HAVCR2: variants seen among roughly 807,000 people sequenced by gnomAD.
HAVCR2 encodes hepatitis A virus cellular receptor 2, also known as T cell immunoglobulin mucin 3.
HAVCR2 carries 13 observed loss-of-function variants against 24.7 expected under a neutral mutation model. The ratio of observed to expected loss-of-function variants is 0.53; its 90% confidence interval spans 0.34 to 0.84. HAVCR2 has a LOEUF of 0.84. HAVCR2 is among the 40% of genes least tolerant of loss of function. The pLI is 0.01. For missense variants in HAVCR2, 343 were observed against 371.2 expected, an observed-to-expected ratio of 0.92 and a Z score of 0.62; for synonymous variants, 154 against 143.4, an observed-to-expected ratio of 1.07 and a Z score of -0.53.
chr5:157,092,918 A>AAAAAAAAAAAAAAG (rs1581756437), intron 5 of HAVCR2, among the ~76,000 whole-genome samples: 1 of 119,988 alleles, frequency 8.3e-6, no homozygotes, highest in Admixed American at 9.7e-5. Flanking sequence ...AAAAAAAAAA[A>AAAAAAAAAAAAAAG]CTAGCCAGGT....
At chr5:157,098,359 A>T (rs1757123332) in intron 4 of HAVCR2, among the ~76,000 whole-genome samples, 1 of 151,866 alleles carries the variant, frequency 6.6e-6, no homozygotes, top group South Asian at 2.1e-4. Flanking sequence ...GTGAGCCAGG[A>T]TCACACCCTT....
At position 157,095,302 on chromosome 5, in the gene HAVCR2, T is replaced by C; in HGVS notation, c.676+4A>G. Reference sequence around the variant, plus strand: ...CAGAGGGAGAGAGAAACAAAAACACTTACATTTGAAAATTAAAGCGCCGAA... The same window carrying C: ...CAGAGGGAGAGAGAAACAAAAACACCTACATTTGAAAATTAAAGCGCCGAA... On this transcript the variant is annotated splice_donor_region_variant and intron_variant, in intron 5 of 6. Coordinates refer to ENST00000307851, the MANE Select transcript of HAVCR2 (RefSeq NM_032782.5). 6.2e-7 allele frequency: 1 copy of C among 1,613,152 alleles called. No homozygotes were observed.
chr5:157,103,676 G>A (rs949773439), intron 3 of HAVCR2, among the ~76,000 whole-genome samples: 1 of 152,154 alleles, frequency 6.6e-6, no homozygotes, highest in Non-Finnish European at 1.5e-5. Flanking sequence ...GTACTATGCT[G>A]AGCATTTTAC....
At chr5:157,102,766 C>G (rs190972705) in intron 3 of HAVCR2, among the ~76,000 whole-genome samples, 2 of 151,950 alleles carry the variant, frequency 1.3e-5, no homozygotes, top group East Asian at 3.9e-4. Context: ...GAAACCCCGT[C>G]TCTAATAAAA....
At chr5:157,087,635 G>A (rs765212027) in intron 6 of HAVCR2, among the ~76,000 whole-genome samples, 6 of 152,100 alleles carry the variant, frequency 3.9e-5, no homozygotes, top group Non-Finnish European at 7.4e-5. Context: ...GCCGGGCGCC[G>A]TGGCTCACGC....
intron 6 of HAVCR2, among the ~76,000 whole-genome samples, chr5:157,087,837 A>T (rs966112353): frequency 1.3e-5 from 2 of 148,824 alleles, no homozygotes; most frequent in Admixed American, 1.4e-4. Context: ...CGAGAAGCAG[A>T]GGTTATAGTG....
chr5:157,099,697 C>CT (rs1249844602), intron 3 of HAVCR2, among the ~76,000 whole-genome samples: 1 of 150,902 alleles, frequency 6.6e-6, no homozygotes, highest in Non-Finnish European at 1.5e-5. Flanking sequence ...TGTTCTTTTT[C>CT]TTTTTTTTCT....
chr5:157,108,126 A>G (rs1757278719), intron 1 of HAVCR2, among the ~76,000 whole-genome samples: 1 of 151,976 alleles, frequency 6.6e-6, no homozygotes, highest in Non-Finnish European at 1.5e-5. Flanking sequence ...TTGATTTTTT[A>G]TGTCCCCTTT....
chr5:157,094,677 C>T (rs1035655967), intron 5 of HAVCR2, among the ~76,000 whole-genome samples: 2 of 151,714 alleles, frequency 1.3e-5, no homozygotes, highest in African/African-American at 4.8e-5. Flanking sequence ...GCCACTGCGC[C>T]GGGCCTGTTT....
intron 4 of HAVCR2, among the ~76,000 whole-genome samples, chr5:157,096,924 CAA>C: frequency 1.5e-5 from 2 of 130,824 alleles, no homozygotes; most frequent in South Asian, 2.5e-4. Flanking sequence ...CCCATTTATA[CAA>C]AACACACACA....
chr5:157,088,606 A>G (rs1756949413), intron 6 of HAVCR2, among the ~76,000 whole-genome samples: 1 of 152,202 alleles, frequency 6.6e-6, no homozygotes. Flanking sequence ...TGTAACGCCT[A>G]AGTGCAGCCC....
intron 5 of HAVCR2, among the ~76,000 whole-genome samples, chr5:157,094,713 T>A (rs1256191930): frequency 1.4e-5 from 2 of 144,096 alleles, no homozygotes; most frequent in Non-Finnish European, 3.1e-5. Flanking sequence ...TTTGCTAGTT[T>A]AAAAAAAAAA....
rs556443053 is a variant in HAVCR2, at chr5:157,092,878, C to CAAAAAAAAAAA, written c.676+2417_676+2427dup. 3.3e-3 allele frequency among the ~76,000 whole-genome samples: 147 copies of CAAAAAAAAAAA among 44,036 alleles called. 39 individuals carry two copies. The highest frequency in any genetic ancestry group is 4.5e-3 in the Non-Finnish European group (97 of 21,712). The allele number at this position is 44,036 out of a possible 152,430, so 28.9% of individuals were successfully genotyped here. A position where few individuals can be genotyped will look rare whatever the true frequency, so the allele number is the denominator to read the frequency against. On this transcript the variant is annotated intron_variant, in intron 5 of 6. Coordinates refer to ENST00000307851, the MANE Select transcript of HAVCR2 (RefSeq NM_032782.5). ...CAACATGGCAAAACCCTGTCTCTACCAAAAAAAAAAAAAAAAAAAAAAAAA... is the reference window on the plus strand; with the variant it reads ...CAACATGGCAAAACCCTGTCTCTACCAAAAAAAAAAAAAAAAAAAAAAAAAAAAAAAAAAAA...
chr5:157,103,903 A>G (rs918199826), intron 3 of HAVCR2, among the ~76,000 whole-genome samples: 1 of 152,316 alleles, frequency 6.6e-6, no homozygotes, highest in African/African-American at 2.4e-5. Flanking sequence ...AATATTAACG[A>G]CAACAGCTAA....
chr5:157,097,250 ATTTTTTTTT>A (rs1221167508), intron 4 of HAVCR2, among the ~76,000 whole-genome samples: 1 of 128,572 alleles, frequency 7.8e-6, no homozygotes, highest in Non-Finnish European at 1.6e-5. Flanking sequence ...CCCTCAAGTA[ATTTTTTTTT>A]TTTTTTTTTT....
In HAVCR2 at chr5:157,086,890, G is replaced by C; in HGVS notation, c.*212C>G. ...TCCATGATTAACAGTCTCTGGGTTG[G>C]GTAACTCTGTTGGCTTAAATACAGA... is the stretch of plus-strand genomic sequence containing the variant. On this transcript the variant is annotated 3_prime_UTR_variant, in exon 7 of 7. Transcript: ENST00000307851. 1.9e-6 allele frequency: 1 copy of C among 521,672 alleles called. No homozygotes were observed. Among genetic ancestry groups the C allele is most frequent in the Non-Finnish European group, 3.3e-6 (1 of 299,456 alleles). The allele number at this position is 521,672 out of a possible 1,614,324, so 32.3% of individuals were successfully genotyped here. A position where few individuals can be genotyped will look rare whatever the true frequency, so the allele number is the denominator to read the frequency against.
intron 5 of HAVCR2, among the ~76,000 whole-genome samples, 181 bp downstream of exon 5, chr5:157,095,125 G>A (rs1305726417): frequency 6.6e-6 from 1 of 152,154 alleles, no homozygotes; most frequent in Non-Finnish European, 1.5e-5. Flanking sequence ...CGCAGTGGCT[G>A]CCTGACACAC....
At position 157,106,949 on chromosome 5, in the gene HAVCR2, C is replaced by T; in HGVS notation, c.72G>A (p.Val24=). The change falls in exon 2 of 7, where the codon GTG becomes GTA. Residue 24 remains valine, a synonymous_variant. Coordinates refer to ENST00000307851, the MANE Select transcript of HAVCR2 (RefSeq NM_032782.5). ...LLLLLTRSSE[V]EYRAEVGQNA... is the part of the protein sequence containing the mutation. ...TCTGACCGACCTCCGCTCTGTATTC[C>T]ACTTCTGAGGACCCTGCATAGAGAG... The T allele has an allele frequency of 1.2e-6, 2 of 1,613,098 alleles. No homozygotes were observed. Among genetic ancestry groups the T allele is most frequent in the African/African-American group, 1.3e-5 (1 of 75,042 alleles).
chr5:157,099,605 C>T (rs1757142114), intron 3 of HAVCR2, among the ~76,000 whole-genome samples: 1 of 150,502 alleles, frequency 6.6e-6, no homozygotes, highest in Non-Finnish European at 1.5e-5. Context: ...TCATTTCCTT[C>T]TTTTTTGTTT....
Sources: allele counts gnomAD v4.1 joint callset (sites outside exome capture counted in the v4.1 genomes callset), GRCh38; gene constraint gnomAD v4.1.1; transcripts MANE v1.5; gene names NCBI Gene and HGNC (gene_info 2026-07-23, HGNC 2026-07-21).